Variants in INA observed in about 807,000 individuals in gnomAD.
INA encodes the protein internexin neuronal intermediate filament protein alpha.
INA carries 35 observed loss-of-function variants against 40.1 expected under a neutral mutation model. The ratio of observed to expected loss-of-function variants is 0.87; its 90% CI spans 0.67 to 1.16. INA has a LOEUF of 1.16. Ranked by LOEUF, INA falls within the 50% of genes most tolerant of loss-of-function variation. The probability of loss-of-function intolerance (pLI) is 0.00; values close to 1 mark genes in which losing one functional copy is unlikely to be tolerated. For missense variants in INA, 594 were observed against 686.7 expected (o/e 0.87, Z 1.51); for synonymous variants, 290 against 316.9 (o/e 0.92, Z 0.90).
At position 103,278,337 on chromosome 10, in the gene INA, C is replaced by T; in HGVS notation, c.1065+61C>T. On this transcript the variant is annotated intron_variant, in intron 1 of 2. Coordinates refer to ENST00000369849, the MANE Select transcript of INA (RefSeq NM_032727.4). The surrounding 1 kb of genome is among the most constrained non-coding windows in gnomAD (Gnocchi z 4.9). ...TGCCCTCTTCCGCGCGTACCCTCTT[C>T]CTCTGGTAAAACTGGGCCCCAGGAC... The T allele has an allele frequency of 7.5e-7, 1 of 1,336,244 alleles. No homozygotes were observed. Among genetic ancestry groups the T allele is most frequent in the Non-Finnish European group, 1.0e-6 (1 of 990,902 alleles). The allele number at this position is 1,336,244 out of a possible 1,614,324, so 82.8% of individuals were successfully genotyped here.
intron 2 of INA, among the ~76,000 whole-genome samples, 158 bp from the exon 3 acceptor site, chr10:103,288,202 C>A (rs2093091029): frequency 6.6e-6 from 1 of 152,014 alleles, no homozygotes; most frequent in Non-Finnish European, 1.5e-5. Flanking sequence ...GTGGTCCAAC[C>A]CTTTGAGCTT....
At chr10:103,286,984 G>A (rs947082967) in intron 1 of INA, 51 bp from the exon 2 acceptor site, 25 of 1,593,974 alleles carry the variant, frequency 1.6e-5, no homozygotes, top group Non-Finnish European at 2.0e-5. Flanking sequence ...TGGAAATCTT[G>A]AGGAATTTCA....
chr10:103,277,368 G>C lies in INA; in HGVS notation c.157G>C (p.Ala53Pro). The C allele has an allele frequency of 6.4e-7, 1 of 1,566,542 alleles. No individual in the cohort carries two copies. The highest frequency in any genetic ancestry group is 8.6e-7 in the Non-Finnish European group (1 of 1,163,104). Residue 53 changes from alanine to proline, a missense_variant, in exon 1 of 3, where the codon GCC becomes CCC. By Grantham distance (27) the Ala-to-Pro change is conservative. Around this residue, in one of 2 missense-constraint regions of INA, gnomAD observed 215 missense variants for 190.6 expected, o/e 1.13. Coordinates refer to ENST00000369849, the MANE Select transcript of INA (RefSeq NM_032727.4). This position sits in a 1 kb window ranked among gnomAD's most constrained non-coding sequence, Gnocchi z 5.6. The part of the protein sequence containing the change: ...LSRSNVASSA[A>P]CSSASSLGLG... ...CCGCAGCAATGTGGCCTCCTCGGCC[G>C]CCTGCTCCTCGGCCTCGTCGCTCGG...
At position 103,283,299 on chromosome 10, in the gene INA, G is replaced by A. The variant is rs117615987; in HGVS notation, c.1066-3736G>A. Reference sequence around the variant, plus strand: ...CTAGACTCTTTTCCCTCTTACCACAGTAATATTGATTCTCTTGTCAGTAGC... The same window carrying A: ...CTAGACTCTTTTCCCTCTTACCACAATAATATTGATTCTCTTGTCAGTAGC... On this transcript the variant is annotated intron_variant, in intron 1 of 2. Coordinates refer to ENST00000369849, the MANE Select transcript of INA (RefSeq NM_032727.4). Among the ~76,000 whole-genome samples, 315 of 152,044 alleles carry A rather than the reference G, an allele frequency of 2.1e-3. 10 individuals carry two copies. The East Asian group carries it at 0.054, about 26-fold the overall frequency.
In INA at chr10:103,277,480, T is replaced by C. The variant is rs773213037; in HGVS notation, c.269T>C (p.Ile90Thr). ...GCGCGCACCAACGAGTACAAGATCATCCGCACCAACGAGAAGGAGCAGCTG... is the reference window on the plus strand; with the variant it reads ...GCGCGCACCAACGAGTACAAGATCACCCGCACCAACGAGAAGGAGCAGCTG... Reference protein sequence around the residue: ...AAARTNEYKIIRTNEKEQLQG... With the variant: ...AAARTNEYKITRTNEKEQLQG... The change falls in exon 1 of 3, where the codon ATC becomes ACC. Residue 90 changes from isoleucine to threonine, a missense_variant. Physicochemically the swap from Ile to Thr is moderately conservative, Grantham distance 89. Transcript: ENST00000369849. The surrounding 1 kb of genome is among the most constrained non-coding windows in gnomAD (Gnocchi z 5.6). The C allele has an allele frequency of 1.8e-5, 28 of 1,588,254 alleles. No homozygotes were observed. The highest frequency in any genetic ancestry group is 1.1e-4 in the South Asian group (10 of 88,396).
intron 1 of INA, among the ~76,000 whole-genome samples, chr10:103,284,230 C>G (rs2093079802): frequency 6.6e-6 from 1 of 152,088 alleles, no homozygotes; most frequent in African/African-American, 2.4e-5. Context: ...AGCTCAGCCT[C>G]AAGTGATTCG....
In INA at chr10:103,279,210, C is replaced by T. The variant is rs558392566; in HGVS notation, c.1065+934C>T. Reference sequence around the variant, plus strand: ...GTTTTGGCTTTCATGGATGGCTTAGCACTAAACAAAAAACACTTAATTTGC... The same window carrying T: ...GTTTTGGCTTTCATGGATGGCTTAGTACTAAACAAAAAACACTTAATTTGC... On this transcript the variant is annotated intron_variant, in intron 1 of 2. Transcript: ENST00000369849. Among the ~76,000 whole-genome samples the T allele has an allele frequency of 1.3e-4, 20 of 152,236 alleles. 1 individual carries two copies. The South Asian group carries it at 3.3e-3, about 25-fold the overall frequency.
chr10:103,283,353 C>T (rs1303797372), intron 1 of INA, among the ~76,000 whole-genome samples: 1 of 152,194 alleles, frequency 6.6e-6, no homozygotes, highest in Non-Finnish European at 1.5e-5. Flanking sequence ...GATTCTATGT[C>T]AGTAGCAGAA....
In INA at chr10:103,277,172, C is replaced by T. The variant is rs778308103; in HGVS notation, c.-40C>T. On this transcript the variant is annotated 5_prime_UTR_variant, in exon 1 of 3. Transcript: ENST00000369849. This position sits in a 1 kb window ranked among gnomAD's most constrained non-coding sequence, Gnocchi z 5.6. ...GCCGCACCTCTCCTTTCTTCTGTAG[C>T]TCGCGTTGAAGCCGCACGTCCGGCC... is the stretch of plus-strand genomic sequence containing the variant. The T allele has an allele frequency of 2.0e-6, 3 of 1,534,362 alleles. No homozygotes were observed. Among genetic ancestry groups the T allele is most frequent in the Middle Eastern group, 1.9e-4 (1 of 5,390 alleles).
rs1482050252 is a variant in INA at position 103,277,812 on chromosome 10, C to A, written c.601C>A (p.Arg201Ser). 41 of 1,536,544 alleles carry A rather than the reference C, an allele frequency of 2.7e-5. No homozygotes were observed. Among genetic ancestry groups the A allele is most frequent in the Middle Eastern group, 2.2e-4 (1 of 4,606 alleles). Residue 201 changes from arginine (R) to serine (S), a missense_variant, in exon 1 of 3, where the codon CGC becomes AGC. Physicochemically the swap from Arg to Ser is moderately radical, Grantham distance 110 (BLOSUM62 -1). Coordinates refer to ENST00000369849, the MANE Select transcript of INA (RefSeq NM_032727.4). This position sits in a 1 kb window ranked among gnomAD's most constrained non-coding sequence, Gnocchi z 5.6. ...CGAGCGCGCCCTGAAGGCGCAGCAG[C>A]GCGACGTGGACGGCGCCACGCTGGC... ...GAERALKAQQ[R>S]DVDGATLARL...
At position 103,277,794 on chromosome 10, in the gene INA, G is replaced by A; in HGVS notation, c.583G>A (p.Ala195Thr). ...CCGCGGACGCGAAGGCGCCGAGCGCGCCCTGAAGGCGCAGCAGCGCGACGT... is the reference window on the plus strand; with the variant it reads ...CCGCGGACGCGAAGGCGCCGAGCGCACCCTGAAGGCGCAGCAGCGCGACGT... ...ESRGREGAERALKAQQRDVDG... is the reference protein window; with the variant it reads ...ESRGREGAERTLKAQQRDVDG... Residue 195 changes from alanine to threonine, a missense_variant, in exon 1 of 3, where the codon GCC becomes ACC. Physicochemically the swap from Ala to Thr is moderately conservative, Grantham distance 58 (BLOSUM62 0). Coordinates refer to ENST00000369849, the MANE Select transcript of INA (RefSeq NM_032727.4). The surrounding 1 kb of genome is among the most constrained non-coding windows in gnomAD (Gnocchi z 5.6). 1 of 1,518,938 alleles carries A rather than the reference G, an allele frequency of 6.6e-7. No individual in the cohort carries two copies. The highest frequency in any genetic ancestry group is 1.2e-5 in the South Asian group (1 of 81,650). The allele number at this position is 1,518,938 out of a possible 1,614,324, so 94.1% of individuals were successfully genotyped here. A position where few individuals can be genotyped will look rare whatever the true frequency, so the allele number is the denominator to read the frequency against.
Position 103,287,183 on chromosome 10 carries a change from C to G in INA, c.1190+24C>G, listed in dbSNP as rs766706910. The stretch of plus-strand genomic sequence containing the variant: ...AGGTACTGCAAAGGACCTGCTTACC[C>G]GAGTAAATCCAGTCACCTAGGGGCA... On this transcript the variant is annotated intron_variant, in intron 2 of 2. Coordinates refer to ENST00000369849, the MANE Select transcript of INA (RefSeq NM_032727.4). 1.2e-4 allele frequency: 190 copies of G among 1,606,072 alleles called. 3 individuals carry two copies. In the South Asian group the frequency reaches 1.4e-3, roughly 12 times the overall value.
rs753513355 is a variant in INA at position 103,277,210 on chromosome 10, C to T, written c.-2C>T. On this transcript the variant is annotated 5_prime_UTR_variant, in exon 1 of 3. Transcript: ENST00000369849. The surrounding 1 kb of genome is among the most constrained non-coding windows in gnomAD (Gnocchi z 5.6). ...CGCACGTCCGGCCCCGATCCCGGCA[C>T]CATGAGCTTCGGCTCGGAGCACTAC... The T allele has an allele frequency of 3.2e-6, 5 of 1,576,880 alleles. No individual in the cohort carries two copies. The African/African-American group carries it at 4.2e-5, about 13-fold the overall frequency.
Position 103,277,505 on chromosome 10 carries a change from G to A in INA, c.294G>A (p.Leu98=). The part of the protein sequence containing the change: ...KIIRTNEKEQ[L]QGLNDRFAVF... ...TCCGCACCAACGAGAAGGAGCAGCT[G>A]CAGGGCCTCAACGACCGCTTCGCCG... The change falls in exon 1 of 3, where the codon CTG becomes CTA. Residue 98 remains leucine, a synonymous_variant. Coordinates refer to ENST00000369849, the MANE Select transcript of INA (RefSeq NM_032727.4). This position sits in a 1 kb window ranked among gnomAD's most constrained non-coding sequence, Gnocchi z 5.6. The A allele has an allele frequency of 1.3e-6, 2 of 1,589,270 alleles. No homozygotes were observed. The highest frequency in any genetic ancestry group is 8.5e-7 in the Non-Finnish European group (1 of 1,171,180).
chr10:103,285,144 C>T (rs1415800180), intron 1 of INA, among the ~76,000 whole-genome samples: 11 of 151,856 alleles, frequency 7.2e-5, no homozygotes, highest in South Asian at 2.1e-4. Context: ...CCACCACGCC[C>T]GGCTAATTTT....
In INA at chr10:103,278,277, G is replaced by C; in HGVS notation, c.1065+1G>C. On this transcript the variant is annotated splice_donor_variant, in intron 1 of 2. Coordinates refer to ENST00000369849, the MANE Select transcript of INA (RefSeq NM_032727.4). LOFTEE classifies it high-confidence loss of function. The surrounding 1 kb of genome is among the most constrained non-coding windows in gnomAD (Gnocchi z 4.9). ...CAGTGCCGAGGTAGCTGGCTACCAG[G>C]TAAGGGCCGGGGCTGGGCGTGGGGA... 6.5e-7 allele frequency: 1 copy of C among 1,543,894 alleles called. No homozygotes were observed. Among genetic ancestry groups the C allele is most frequent in the Non-Finnish European group, 8.7e-7 (1 of 1,143,286 alleles).
At position 103,285,602 on chromosome 10, in the gene INA, G is replaced by A. The variant is rs981227726; in HGVS notation, c.1066-1433G>A. Among the ~76,000 whole-genome samples the A allele has an allele frequency of 1.4e-4, 21 of 149,332 alleles. No homozygotes were observed. In the Admixed American group the frequency reaches 1.4e-3, roughly 10 times the overall value. On this transcript the variant is annotated intron_variant, in intron 1 of 2. Transcript: ENST00000369849. Reference sequence around the variant, plus strand: ...TGAGCCATCATGCCTGGCAGGAGAGGACATTTGAACTGAATCTTTTTTTTT... The same window carrying A: ...TGAGCCATCATGCCTGGCAGGAGAGAACATTTGAACTGAATCTTTTTTTTT...
chr10:103,279,645 C>T (rs1411287257), intron 1 of INA, among the ~76,000 whole-genome samples: 1 of 152,152 alleles, frequency 6.6e-6, no homozygotes, highest in Non-Finnish European at 1.5e-5. Flanking sequence ...GGGCTTGGAA[C>T]ATTGGTAAAA....
At position 103,287,076 on chromosome 10, in the gene INA, G is replaced by A. The variant is rs1490344396; in HGVS notation, c.1107G>A (p.Lys369=). The A allele has an allele frequency of 5.0e-6, 8 of 1,613,888 alleles. No individual in the cohort carries two copies. Among genetic ancestry groups the A allele is most frequent in the Non-Finnish European group, 5.9e-6 (7 of 1,179,932 alleles). The change falls in exon 2 of 3, where the codon AAG becomes AAA. Residue 369 remains lysine, a synonymous_variant. Coordinates refer to ENST00000369849, the MANE Select transcript of INA (RefSeq NM_032727.4). Reference sequence around the variant, plus strand: ...TGGAGAATGATCTGAGGAACACCAAGAGTGAGATGGCACGCCACCTTCGGG... The same window carrying A: ...TGGAGAATGATCTGAGGAACACCAAAAGTGAGATGGCACGCCACCTTCGGG... ...GQLENDLRNT[K]SEMARHLREY...
Sources: allele counts gnomAD v4.1 joint callset (sites outside exome capture counted in the v4.1 genomes callset), GRCh38; gene constraint gnomAD v4.1.1; regional missense constraint gnomAD v4.1.1; non-coding constraint Gnocchi (gnomAD v3.1); transcripts MANE v1.5; gene names NCBI Gene and HGNC (gene_info 2026-07-23, HGNC 2026-07-21).